HSPA4L: variants seen among roughly 807,000 people sequenced by gnomAD.
HSPA4L encodes heat shock 70 kDa protein 4L.
HSPA4L carries 48 observed loss-of-function variants against 100.3 expected under a neutral mutation model. The ratio of observed to expected loss-of-function variants is 0.48; its 90% CI spans 0.38 to 0.61. HSPA4L has a LOEUF of 0.61. Ranked by LOEUF, HSPA4L falls within the 20% of genes least tolerant of loss-of-function variation. The probability of loss-of-function intolerance (pLI) is 0.00; values close to 1 mark genes in which losing one functional copy is unlikely to be tolerated. For missense variants in HSPA4L, 886 were observed against 988.6 expected (o/e 0.90, Z 1.39); for synonymous variants, 319 against 328.2 (o/e 0.97, Z 0.30).
chr4:127,824,398 GT>G (rs1733891548), intron 16 of HSPA4L, among the ~76,000 whole-genome samples: 2 of 152,272 alleles, frequency 1.3e-5, no homozygotes, highest in South Asian at 4.1e-4. Flanking sequence ...TAGTAAGTAT[GT>G]GAAAAATTAC....
At chr4:127,806,923 T>G (rs1190933526) in intron 10 of HSPA4L, among the ~76,000 whole-genome samples, 2 of 151,994 alleles carry the variant, frequency 1.3e-5, no homozygotes, top group Admixed American at 6.5e-5. Context: ...AATGTCAGTT[T>G]TTTTCTTTTT....
At chr4:127,821,045 T>C (rs1235998256) in intron 14 of HSPA4L, among the ~76,000 whole-genome samples, 1 of 152,162 alleles carries the variant, frequency 6.6e-6, no homozygotes, top group Non-Finnish European at 1.5e-5. Flanking sequence ...AAACGAGTTT[T>C]GTTTCTTTAC....
intron 3 of HSPA4L, 139 bp downstream of exon 3, chr4:127,796,047 A>G: frequency 1.5e-6 from 1 of 658,038 alleles, no homozygotes; most frequent in East Asian, 2.8e-5. Flanking sequence ...TTTTGTAATA[A>G]TTTTAGTGAA....
intron 12 of HSPA4L, among the ~76,000 whole-genome samples, chr4:127,814,670 C>A (rs1208988537): frequency 6.6e-6 from 1 of 152,078 alleles, no homozygotes; most frequent in Non-Finnish European, 1.5e-5. Flanking sequence ...CAGGTTCAAG[C>A]AGTTCTCCTG....
In HSPA4L at chr4:127,835,747, C is replaced by CAAAG. The variant is rs920701953; in HGVS notation, c.*2876_*2879dup. 3 of 151,024 alleles carry CAAAG rather than the reference C, an allele frequency of 2.0e-5. No homozygotes were observed. Among genetic ancestry groups the CAAAG allele is most frequent in the South Asian group, 2.1e-4 (1 of 4,760 alleles). The allele number at this position is 151,024 out of a possible 1,614,324, so 9.4% of individuals were successfully genotyped here. ...TTCCAAAAAACTAGAAAGAGCACAG[C>CAAAG]AAAGAATTTGGCTATTGAAATAACA... On this transcript the variant is annotated 3_prime_UTR_variant, in exon 19 of 19. Transcript: ENST00000296464.
chr4:127,830,638 G>T lies in HSPA4L; in HGVS notation c.2167G>T (p.Asp723Tyr). The T allele has an allele frequency of 6.4e-7, 1 of 1,572,502 alleles. No homozygotes were observed. Among genetic ancestry groups the T allele is most frequent in the Non-Finnish European group, 8.6e-7 (1 of 1,166,430 alleles). The change falls in exon 18 of 19, where the codon GAT becomes TAT. Residue 723 changes from aspartate to tyrosine, a missense_variant and splice_region_variant. Physicochemically the swap from Asp to Tyr is radical, Grantham distance 160. Coordinates refer to ENST00000296464, the MANE Select transcript of HSPA4L (RefSeq NM_014278.4). ...AGTCAAGCTTTTTTTTTTTAAATAGGATGAAAGATATGATCATCTGGATCC... is the reference window on the plus strand; with the variant it reads ...AGTCAAGCTTTTTTTTTTTAAATAGTATGAAAGATATGATCATCTGGATCC... ...MKVIEAYRNKDERYDHLDPTE... is the reference protein window; with the variant it reads ...MKVIEAYRNKYERYDHLDPTE...
At chr4:127,793,260 AC>A (rs1457193956) in intron 1 of HSPA4L, among the ~76,000 whole-genome samples, 4 of 152,124 alleles carry the variant, frequency 2.6e-5, no homozygotes, top group African/African-American at 9.7e-5. Flanking sequence ...TCAAGAAGTC[AC>A]CTCTCTTATC....
rs1296155317 is a variant in HSPA4L at position 127,782,538 on chromosome 4, A to G, written c.-13A>G. On this transcript the variant is annotated 5_prime_UTR_variant, in exon 1 of 19. Coordinates refer to ENST00000296464, the MANE Select transcript of HSPA4L (RefSeq NM_014278.4). ...AGGGTTCAGTACCAGCAGCCCGACCATCACGCGGCGGGATGTCTGTGGTTG... is the reference window on the plus strand; with the variant it reads ...AGGGTTCAGTACCAGCAGCCCGACCGTCACGCGGCGGGATGTCTGTGGTTG... 11 of 1,610,812 alleles carry G rather than the reference A, an allele frequency of 6.8e-6. No homozygotes were observed. The highest frequency in any genetic ancestry group is 9.3e-6 in the Non-Finnish European group (11 of 1,177,230).
chr4:127,831,522 A>AGTAGTGTTTGTAT (rs1355455254), intron 18 of HSPA4L, among the ~76,000 whole-genome samples: 1 of 150,616 alleles, frequency 6.6e-6, no homozygotes, highest in East Asian at 2.2e-4. Flanking sequence ...AAAAAAAAAA[A>AGTAGTGTTTGTAT]AGGAAGCAAT....
In HSPA4L at chr4:127,813,067, G is replaced by A. The variant is rs570663152; in HGVS notation, c.1578+1431G>A. ...GGGCATTCCTTTTTGAACAGTACCCGTTCCCTTGATGTCTACAATATCACC... is the reference window on the plus strand; with the variant it reads ...GGGCATTCCTTTTTGAACAGTACCCATTCCCTTGATGTCTACAATATCACC... On this transcript the variant is annotated intron_variant, in intron 12 of 18. Transcript: ENST00000296464. 46 of 1,108,864 alleles carry A rather than the reference G, an allele frequency of 4.1e-5. No individual in the cohort carries two copies. In the Middle Eastern group the frequency reaches 6.0e-4, roughly 14 times the overall value. 68.7% of individuals were successfully genotyped at this position (1,108,864 alleles called of 1,614,324 possible).
upstream of HSPA4L, chr4:127,782,242 C>G (rs1221673273): frequency 5.0e-6 from 2 of 401,042 alleles, no homozygotes; most frequent in African/African-American, 2.2e-5. Context: ...GGGCGCGGAG[C>G]GGAGGCTCGC....
chr4:127,827,779 T>A (rs1243439057), intron 17 of HSPA4L, among the ~76,000 whole-genome samples: 1 of 152,134 alleles, frequency 6.6e-6, no homozygotes, highest in Non-Finnish European at 1.5e-5. Context: ...TGGGCCTCTT[T>A]GAGACTGGAC....
chr4:127,788,400 T>G (rs1318483078), intron 1 of HSPA4L, among the ~76,000 whole-genome samples: 1 of 152,224 alleles, frequency 6.6e-6, no homozygotes, highest in Non-Finnish European at 1.5e-5. Context: ...TGAGTTTTTT[T>G]TAGAGCATTC....
rs1733335016 is a variant in HSPA4L at position 127,805,700 on chromosome 4, C to T, written c.1151C>T (p.Ser384Leu). 1 of 1,611,248 alleles carries T rather than the reference C, an allele frequency of 6.2e-7. No individual in the cohort carries two copies. Among genetic ancestry groups the T allele is most frequent in the East Asian group, 2.2e-5 (1 of 44,752 alleles). ...RGCALQCAIL[S>L]PAFKVREFSI... ...TCTTATTTTCAGTGTGCGATTCTCT[C>T]ACCAGCATTTAAAGTGCGTGAATTT... The change falls in exon 10 of 19, where the codon TCA (serine) becomes TTA (leucine). Residue 384 changes from serine to leucine, a missense_variant. Transcript: ENST00000296464.
chr4:127,812,812 C>T (rs189955449), intron 12 of HSPA4L: 10 of 1,348,128 alleles, frequency 7.4e-6, no homozygotes, highest in Middle Eastern at 2.2e-4. Flanking sequence ...AGCAGGCTGG[C>T]GCTTTAGTTG....
intron 16 of HSPA4L, among the ~76,000 whole-genome samples, chr4:127,826,607 G>A (rs990772573): frequency 6.6e-6 from 1 of 152,162 alleles, no homozygotes; most frequent in African/African-American, 2.4e-5. Flanking sequence ...TTAGAGAAAA[G>A]CATAGAGAAG....
rs917069874 is a variant in HSPA4L at position 127,812,325 on chromosome 4, C to T, written c.1578+689C>T. Among the ~76,000 whole-genome samples the T allele has an allele frequency of 8.6e-4, 129 of 150,656 alleles. 2 individuals carry two copies. Among genetic ancestry groups the T allele is most frequent in the African/African-American group, 2.9e-3 (119 of 41,044 alleles). The stretch of plus-strand genomic sequence containing the variant: ...TCAGGAGGCTGAGGCAGGAGAATGG[C>T]GTGAACCCGGGAGGCGGAGTTTGCA... On this transcript the variant is annotated intron_variant, in intron 12 of 18. Transcript: ENST00000296464.
chr4:127,807,500 A>G (rs1457809730), intron 10 of HSPA4L, among the ~76,000 whole-genome samples: 1 of 152,240 alleles, frequency 6.6e-6, no homozygotes, highest in East Asian at 1.9e-4. Flanking sequence ...AAGTGTGTGC[A>G]CTCAGATGAT....
At chr4:127,790,931 C>A (rs1732857676) in intron 1 of HSPA4L, among the ~76,000 whole-genome samples, 1 of 152,102 alleles carries the variant, frequency 6.6e-6, no homozygotes, top group Non-Finnish European at 1.5e-5. Context: ...CTAGCCTGGG[C>A]AACATGGTGA....
Sources: gnomAD v4.1 joint callset for allele counts (sites outside exome capture counted in the v4.1 genomes callset) on GRCh38, gnomAD v4.1.1 for gene constraint, MANE v1.5 for transcripts, NCBI Gene and HGNC (gene_info 2026-07-23, HGNC 2026-07-21) for gene names.